HMCN2: variants seen among roughly 807,000 people sequenced by gnomAD.
The protein encoded by HMCN2 is hemicentin-2.
A neutral mutation model predicts 377.5 loss-of-function variants in HMCN2; 325 were observed. The ratio of observed to expected loss-of-function variants is 0.86; its 90% CI spans 0.79 to 0.94. The LOEUF (loss-of-function observed/expected upper bound fraction) is 0.94. Among genes scored for constraint, HMCN2 ranks in the 40% least tolerant of loss-of-function variants. The pLI is 0.00. For synonymous variants in HMCN2, 2,007 were observed against 2,046.8 expected (o/e 0.98, Z 0.53); for missense variants, 4,543 against 4,725.3 (o/e 0.96, Z 1.13).
At chr9:130,312,606 TTCTTTCTTTC>T (rs1431373609) in intron 15 of HMCN2, among the ~76,000 whole-genome samples, 24 of 105,760 alleles carry the variant, frequency 2.3e-4, no homozygotes, top group African/African-American at 8.3e-4. Context: ...CTTTCTTTCT[TTCTTTCTTTC>T]TCTGTCTCTC....
At position 130,394,895 on chromosome 9, in the gene HMCN2, G is replaced by A. The variant is rs1363065506; in HGVS notation, c.10693-132G>A. 4.2e-6 allele frequency: 2 copies of A among 477,056 alleles called. No homozygotes were observed. Among genetic ancestry groups the A allele is most frequent in the Non-Finnish European group, 3.5e-6 (1 of 283,474 alleles). 29.6% of individuals were successfully genotyped at this position (477,056 alleles called of 1,614,324 possible). On this transcript the variant is annotated intron_variant, in intron 69 of 97. Transcript: ENST00000683500. This position sits in a 1 kb window ranked among gnomAD's most constrained non-coding sequence, Gnocchi z 5.1. Reference sequence around the variant, plus strand: ...AGATGGAGGGAGAGGGCGTGGGTTGGCTGGGAGGTGGATGGCAGACCTCGC... The same window carrying A: ...AGATGGAGGGAGAGGGCGTGGGTTGACTGGGAGGTGGATGGCAGACCTCGC...
chr9:130,371,726 C>T (rs566967691), intron 46 of HMCN2, among the ~76,000 whole-genome samples: 16 of 152,200 alleles, frequency 1.1e-4, no homozygotes, highest in Non-Finnish European at 1.3e-4. Flanking sequence ...TAAGAATTGC[C>T]GGGTGCATTC....
Position 130,352,929 on chromosome 9 carries a change from C to G in HMCN2, c.4588C>G (p.Pro1530Ala), listed in dbSNP as rs1029776893. ...ARDFQLRVHA[P>A]PTIWGSNETG... ...AGCCCCACCTCTTTCCTTCTCAGCG[C>G]CCCCCACTATCTGGGGCTCCAACGA... The change falls in exon 31 of 98, where the codon CCC becomes GCC. Residue 1530 changes from proline (P) to alanine (A), a missense_variant and splice_region_variant. By Grantham distance (27) the Pro-to-Ala change is conservative. This residue lies in a region of HMCN2 where 1,032 missense variants were observed against 1,285.1 expected (regional missense o/e 0.80). Transcript: ENST00000683500. The G allele has an allele frequency of 7.9e-7, 1 of 1,273,864 alleles. No homozygotes were observed. The highest frequency in any genetic ancestry group is 1.0e-6 in the Non-Finnish European group (1 of 972,290). 78.9% of individuals were successfully genotyped at this position (1,273,864 alleles called of 1,614,324 possible).
intron 1 of HMCN2, among the ~76,000 whole-genome samples, chr9:130,275,669 C>T (rs998076112): frequency 2.6e-5 from 4 of 152,294 alleles, no homozygotes; most frequent in Admixed American, 6.5e-5. Flanking sequence ...AGACTGGTCA[C>T]GAACTCCTGA....
In HMCN2 at chr9:130,394,181, G is replaced by A. The variant is rs983295731; in HGVS notation, c.10501+173G>A. ...CTGGGATGCCTCTCTCACCTTCCTT[G>A]CCTGCGGGGAGTGGGTGGCCGGGCT... is the stretch of plus-strand genomic sequence containing the variant. On this transcript the variant is annotated intron_variant, in intron 68 of 97. Transcript: ENST00000683500. This position sits in a 1 kb window ranked among gnomAD's most constrained non-coding sequence, Gnocchi z 5.1. 6.6e-6 allele frequency among the ~76,000 whole-genome samples: 1 copy of A among 152,160 alleles called. No homozygotes were observed. Among genetic ancestry groups the A allele is most frequent in the Non-Finnish European group, 1.5e-5 (1 of 68,006 alleles).
chr9:130,290,702 A>T (rs993965339), intron 4 of HMCN2, among the ~76,000 whole-genome samples: 1 of 152,304 alleles, frequency 6.6e-6, no homozygotes, highest in East Asian at 1.9e-4. Context: ...GACAGGTGGG[A>T]CCTTTTCAAG....
At position 130,427,491 on chromosome 9, in the gene HMCN2, C is replaced by T. The variant is rs1844448612; in HGVS notation, c.13943-6C>T. Reference sequence around the variant, plus strand: ...GCGGAGACCACCAGACCCCTTCCTGCCCCAGACAGGGACGAGTGCTCAGGA... The same window carrying T: ...GCGGAGACCACCAGACCCCTTCCTGTCCCAGACAGGGACGAGTGCTCAGGA... On this transcript the variant is annotated splice_polypyrimidine_tract_variant and splice_region_variant and intron_variant, in intron 91 of 97. Transcript: ENST00000683500. 3 of 1,550,364 alleles carry T rather than the reference C, an allele frequency of 1.9e-6. No individual in the cohort carries two copies. Among genetic ancestry groups the T allele is most frequent in the East Asian group, 2.4e-5 (1 of 40,910 alleles).
chr9:130,272,538 G>T (rs187338061), intron 1 of HMCN2, among the ~76,000 whole-genome samples: 7 of 152,012 alleles, frequency 4.6e-5, no homozygotes, highest in Non-Finnish European at 1.0e-4. Context: ...ACCATGCCTG[G>T]CCTCTTCTTC....
intron 25 of HMCN2, among the ~76,000 whole-genome samples, chr9:130,344,060 T>C (rs1432633707): frequency 6.6e-6 from 1 of 152,050 alleles, no homozygotes; most frequent in African/African-American, 2.4e-5. Flanking sequence ...GGGATCTCCT[T>C]GTCCTCCTTG....
At chr9:130,382,142 C>T (rs762522544) in intron 54 of HMCN2, 42 bp from the exon 55 acceptor site, 1 of 919,812 alleles carries the variant, frequency 1.1e-6, no homozygotes, top group Non-Finnish European at 1.3e-6. Context: ...TTGGGGGTGA[C>T]TCTCGTGCCT....
Position 130,398,658 on chromosome 9 carries a change from T to C in HMCN2, c.11434T>C (p.Trp3812Arg). 7.8e-7 allele frequency: 1 copy of C among 1,289,526 alleles called. No homozygotes were observed. Among genetic ancestry groups the C allele is most frequent in the Non-Finnish European group, 1.0e-6 (1 of 988,662 alleles). 79.9% of individuals were successfully genotyped at this position (1,289,526 alleles called of 1,614,324 possible). A position where few individuals can be genotyped will look rare whatever the true frequency, so the allele number is the denominator to read the frequency against. ...SGSPKPLVVW[W>R]KDGQKLDFRL... is the part of the protein sequence containing the mutation. ...CTCCCCTAAGCCCCTGGTGGTCTGG[T>C]GGAAGGACGGACAGAAGCTGGACTT... Residue 3812 changes from tryptophan (W) to arginine (R), a missense_variant, in exon 75 of 98, where the codon TGG (tryptophan) becomes CGG (arginine). By Grantham distance (101) the Trp-to-Arg change is moderately radical (BLOSUM62 -3). Around this residue, in one of 5 missense-constraint regions of HMCN2, gnomAD observed 1,073 missense variants for 1,319.5 expected, o/e 0.81. Coordinates refer to ENST00000683500, the MANE Select transcript of HMCN2 (RefSeq NM_001291815.2).
rs1844869806 is a variant in HMCN2 at position 130,433,254 on chromosome 9, G to A, written c.14895-94G>A. 48 of 1,004,578 alleles carry A rather than the reference G, an allele frequency of 4.8e-5. 1 individual carries two copies. The highest frequency in any genetic ancestry group is 6.0e-5 in the Non-Finnish European group (44 of 738,776). The allele number at this position is 1,004,578 out of a possible 1,614,324, so 62.2% of individuals were successfully genotyped here. A position where few individuals can be genotyped will look rare whatever the true frequency, so the allele number is the denominator to read the frequency against. On this transcript the variant is annotated intron_variant, in intron 97 of 97. Coordinates refer to ENST00000683500, the MANE Select transcript of HMCN2 (RefSeq NM_001291815.2). ...GGACGGGCAGCGCGTGGGCGGAACT[G>A]CAGGGGCTGGCAGGGAGGTCTGAGT...
chr9:130,413,777 G>A (rs1395086859), intron 85 of HMCN2, among the ~76,000 whole-genome samples: 1 of 152,062 alleles, frequency 6.6e-6, no homozygotes, highest in Non-Finnish European at 1.5e-5. Context: ...GGGGGCATGT[G>A]CACCTCAACG....
In HMCN2 at chr9:130,393,949, C is replaced by T; in HGVS notation, c.10442C>T (p.Ser3481Phe). The T allele has an allele frequency of 1.6e-6, 2 of 1,287,984 alleles. No individual in the cohort carries two copies. The highest frequency in any genetic ancestry group is 2.0e-6 in the Non-Finnish European group (2 of 988,382). 79.8% of individuals were successfully genotyped at this position (1,287,984 alleles called of 1,614,324 possible). The change falls in exon 68 of 98, where the codon TCC becomes TTC. Residue 3481 changes from serine (S) to phenylalanine (F), a missense_variant. Ser to Phe is a radical substitution (Grantham distance 155). Transcript: ENST00000683500. This position sits in a 1 kb window ranked among gnomAD's most constrained non-coding sequence, Gnocchi z 5.2. ...GGAGCTGGTGACTCGGGGACCTACT[C>T]CTGTGTGGCCGTGAGCGAGGCGGGG... ...AVGAGDSGTY[S>F]CVAVSEAGEA...
At chr9:130,306,349 C>T (rs1191003475) in intron 12 of HMCN2, 79 bp downstream of exon 12, 1 of 442,866 alleles carries the variant, frequency 2.3e-6, no homozygotes, top group Non-Finnish European at 4.8e-6. Flanking sequence ...GGGCCTTGGC[C>T]TTCCTATCTG....
chr9:130,337,845 A>C (rs1838835933), intron 22 of HMCN2, 49 bp from the exon 23 acceptor site: 1 of 70,682 alleles, frequency 1.4e-5, no homozygotes, highest in Non-Finnish European at 2.7e-5. Flanking sequence ...AAGCCTTTCC[A>C]TGGGGGTGGG....
At chr9:130,377,545 C>A (rs976860367) in intron 52 of HMCN2, 104 bp from the exon 53 acceptor site, 1 of 610,568 alleles carries the variant, frequency 1.6e-6, no homozygotes, top group Non-Finnish European at 2.1e-6. Context: ...TCACTTTATG[C>A]TGCATTTTTG....
In HMCN2 at chr9:130,425,735, G is replaced by A. The variant is rs1211892371; in HGVS notation, c.13690G>A (p.Gly4564Ser). ...VQTGPGQLFV[G>S]STQRFFQGGL... Reference sequence around the variant, plus strand: ...AACAGGGCCTGGCCAGCTGTTCGTGGGCTCCACACAGCGCTTCTTCCAGGG... The same window carrying A: ...AACAGGGCCTGGCCAGCTGTTCGTGAGCTCCACACAGCGCTTCTTCCAGGG... Residue 4564 changes from glycine (G) to serine (S), a missense_variant, in exon 90 of 98, where the codon GGC becomes AGC. Transcript: ENST00000683500. The A allele has an allele frequency of 1.3e-6, 2 of 1,550,222 alleles. No individual in the cohort carries two copies. Among genetic ancestry groups the A allele is most frequent in the Non-Finnish European group, 1.7e-6 (2 of 1,146,942 alleles).
chr9:130,332,758 C>T (rs1377213980), intron 22 of HMCN2, among the ~76,000 whole-genome samples: 3 of 152,304 alleles, frequency 2.0e-5, no homozygotes, highest in South Asian at 2.1e-4. Context: ...CAGTGGTTTC[C>T]GGGAGGGGTT....
Sources: allele counts gnomAD v4.1 joint callset (sites outside exome capture counted in the v4.1 genomes callset), GRCh38; gene constraint gnomAD v4.1.1; regional missense constraint gnomAD v4.1.1; non-coding constraint Gnocchi (gnomAD v3.1); transcripts MANE v1.5; gene names NCBI Gene and HGNC (gene_info 2026-07-23, HGNC 2026-07-21).